ATP8B4: variants seen among roughly 807,000 people sequenced by gnomAD.
The protein encoded by ATP8B4 is probable phospholipid-transporting ATPase IM.
In ATP8B4, 133 loss-of-function variants were observed where a neutral mutation model predicts 145.6. That is an observed-to-expected ratio of 0.91 (90% CI 0.79 to 1.05). ATP8B4 has a LOEUF of 1.05. ATP8B4 is among the 50% of genes least tolerant of loss of function. ATP8B4 has a pLI of 0.00. For synonymous variants in ATP8B4, 507 were observed against 492.9 expected (o/e 1.03, Z -0.38); for missense variants, 1,458 against 1,425.2 (o/e 1.02, Z -0.37).
chr15:49,934,296 A>C, intron 14 of ATP8B4, 114 bp from the exon 15 acceptor site: 2 of 1,192,466 alleles, frequency 1.7e-6, no homozygotes, highest in South Asian at 3.2e-5. Flanking sequence ...GCAGCCTCAA[A>C]TGTCTGGCAC....
intron 1 of ATP8B4, among the ~76,000 whole-genome samples, chr15:50,137,705 C>A (rs542359355): frequency 6.6e-6 from 1 of 152,318 alleles, no homozygotes; most frequent in South Asian, 2.1e-4. Flanking sequence ...CTTAATCATG[C>A]TCACGATGCT....
intron 25 of ATP8B4, among the ~76,000 whole-genome samples, chr15:49,871,036 C>A (rs1276737169): frequency 6.6e-6 from 1 of 152,212 alleles, no homozygotes; most frequent in Admixed American, 6.5e-5. Flanking sequence ...AGGCCCACAG[C>A]TTCTACTTAT....
intron 13 of ATP8B4, among the ~76,000 whole-genome samples, chr15:49,965,131 A>G (rs1384474473): frequency 6.6e-6 from 1 of 152,164 alleles, no homozygotes; most frequent in Non-Finnish European, 1.5e-5. Context: ...CCAGGTTGGA[A>G]ATCATCTTGT....
chr15:49,881,375 G>A (rs1190308357), intron 23 of ATP8B4, among the ~76,000 whole-genome samples: 2 of 152,136 alleles, frequency 1.3e-5, no homozygotes, highest in South Asian at 2.1e-4. Flanking sequence ...AACTTAAATT[G>A]TAAATTTATA....
At chr15:49,977,112 G>C (rs1176664767) in intron 12 of ATP8B4, among the ~76,000 whole-genome samples, 2 of 152,042 alleles carry the variant, frequency 1.3e-5, no homozygotes, top group Non-Finnish European at 2.9e-5. Context: ...TGCTCACCTG[G>C]AATTGTTAAC....
At chr15:49,938,350 T>C (rs2041899332) in intron 14 of ATP8B4, among the ~76,000 whole-genome samples, 1 of 151,990 alleles carries the variant, frequency 6.6e-6, no homozygotes, top group African/African-American at 2.4e-5. Flanking sequence ...GCAAACTGGA[T>C]AAAACAAGAG....
At chr15:49,912,973 C>T (rs1471703013) in intron 20 of ATP8B4, among the ~76,000 whole-genome samples, 3 of 151,952 alleles carry the variant, frequency 2.0e-5, no homozygotes, top group East Asian at 3.9e-4. Context: ...ACAAAAAATA[C>T]AAAAATTAGT....
At chr15:50,121,973 G>C (rs376863925), upstream of ATP8B4, among the ~76,000 whole-genome samples, 117 of 152,174 alleles carry the variant, frequency 7.7e-4, no homozygotes, top group South Asian at 2.9e-3. Context: ...CTTTTACCTT[G>C]TTCTCCAACT....
intron 2 of ATP8B4, among the ~76,000 whole-genome samples, chr15:50,102,135 A>G (rs1012012422): frequency 1.3e-5 from 2 of 152,128 alleles, no homozygotes; most frequent in Non-Finnish European, 2.9e-5. Flanking sequence ...CCTACATCAA[A>G]AAGTCTGAAA....
intron 7 of ATP8B4, among the ~76,000 whole-genome samples, chr15:50,006,065 T>C (rs1380781944): frequency 2.6e-5 from 4 of 152,116 alleles, no homozygotes; most frequent in African/African-American, 9.7e-5. Flanking sequence ...ATCCTAAAAA[T>C]GAAGTTTATA....
intron 16 of ATP8B4, among the ~76,000 whole-genome samples, chr15:49,924,864 A>G (rs1567002548): frequency 6.6e-6 from 1 of 152,118 alleles, no homozygotes; most frequent in African/African-American, 2.4e-5. Flanking sequence ...TTGTTAAACC[A>G]GGGGGGGAAA....
chr15:50,040,717 G>A (rs1319909453), intron 5 of ATP8B4, among the ~76,000 whole-genome samples: 1 of 152,182 alleles, frequency 6.6e-6, no homozygotes, highest in Non-Finnish European at 1.5e-5. Flanking sequence ...TTCTGCTCAG[G>A]TTTTACCAAC....
chr15:50,050,195 C>T (rs1422778567), intron 3 of ATP8B4, among the ~76,000 whole-genome samples: 2 of 152,214 alleles, frequency 1.3e-5, no homozygotes, highest in Admixed American at 6.5e-5. Flanking sequence ...CTCTGCATCT[C>T]TCTTAAAACA....
intron 1 of ATP8B4, among the ~76,000 whole-genome samples, chr15:50,174,374 G>T (rs1797319): frequency 0.79 from 120,520 of 151,938 alleles, 48,213 homozygotes; most frequent in East Asian, 0.95. Flanking sequence ...GCTGACGATA[G>T]GATCATTTAC....
At chr15:49,871,954 G>A (rs61351564) in intron 25 of ATP8B4, among the ~76,000 whole-genome samples, 98 of 152,268 alleles carry the variant, frequency 6.4e-4, no homozygotes, top group African/African-American at 2.2e-3. Context: ...GGGAGTATAT[G>A]GATAAGGTAT....
chr15:50,046,526 T>G (rs1435464868), intron 4 of ATP8B4, among the ~76,000 whole-genome samples: 1 of 152,234 alleles, frequency 6.6e-6, no homozygotes, highest in Non-Finnish European at 1.5e-5. Context: ...TCAAACTAAT[T>G]AAGATTTCTG....
At chr15:50,138,666 T>C (rs1396695820) in intron 1 of ATP8B4, among the ~76,000 whole-genome samples, 1 of 152,218 alleles carries the variant, frequency 6.6e-6, no homozygotes, top group African/African-American at 2.4e-5. Context: ...TAAAGTCAAC[T>C]GAATTTCACT....
intron 1 of ATP8B4, among the ~76,000 whole-genome samples, chr15:50,165,970 A>AACACACACACACAC (rs149302745): frequency 5.0e-4 from 74 of 147,080 alleles, no homozygotes; most frequent in Non-Finnish European, 7.5e-4. Flanking sequence ...AATCCCAGAG[A>AACACACACACACAC]ACACACACAC....
intron 1 of ATP8B4, among the ~76,000 whole-genome samples, chr15:50,175,093 A>C (rs568328945): frequency 6.6e-6 from 1 of 152,206 alleles, no homozygotes; most frequent in Non-Finnish European, 1.5e-5. Flanking sequence ...GGCTAGCCAC[A>C]TGTAGAAGAA....
Sources: allele counts gnomAD v4.1 joint callset (sites outside exome capture counted in the v4.1 genomes callset), GRCh38; gene constraint gnomAD v4.1.1; transcripts MANE v1.5; gene names NCBI Gene and HGNC (gene_info 2026-07-23, HGNC 2026-07-21).